USP50: variants seen among roughly 807,000 people sequenced by gnomAD.
USP50 encodes the protein ubiquitin carboxyl-terminal hydrolase 50.
Under a neutral mutation model 39.2 loss-of-function variants are expected in USP50, and 37 were observed. The ratio of observed to expected loss-of-function variants is 0.94; its 90% CI spans 0.73 to 1.24. The LOEUF is 1.24. Among genes scored for constraint, USP50 ranks in the 50% most tolerant of loss-of-function variants. The pLI is 0.00. For synonymous variants in USP50, 139 were observed against 144.5 expected, an observed-to-expected ratio of 0.96 and a Z score of 0.27; for missense variants, 374 against 398.2, an observed-to-expected ratio of 0.94 and a Z score of 0.52.
At chr15:50,531,268 T>C (rs2052938384) in intron 5 of USP50, among the ~76,000 whole-genome samples, 1 of 152,172 alleles carries the variant, frequency 6.6e-6, no homozygotes, top group Admixed American at 6.5e-5. Flanking sequence ...TATCTGCTAG[T>C]ATTTGTAGAA....
At chr15:50,503,612 A>C (rs1161354046) in intron 6 of USP50, 1 of 152,220 alleles carries the variant, frequency 6.6e-6, no homozygotes, top group Non-Finnish European at 1.5e-5. Context: ...ACAGAGAATA[A>C]AAGTCATTCC....
intron 6 of USP50, chr15:50,502,278 T>A (rs2052601356): frequency 1.3e-5 from 2 of 152,062 alleles, no homozygotes; most frequent in African/African-American, 4.8e-5. Flanking sequence ...CCCAGCTAAT[T>A]TTTTGTATTT....
At chr15:50,493,201 G>C (rs1019031952), downstream of USP50, 3 of 520,482 alleles carry the variant, frequency 5.8e-6, no homozygotes, top group African/African-American at 5.7e-5. Context: ...GTTCACCCGG[G>C]AGGGGAGCCC....
chr15:50,524,959 C>T (rs1566907295), intron 6 of USP50, among the ~76,000 whole-genome samples: 1 of 152,042 alleles, frequency 6.6e-6, no homozygotes, highest in African/African-American at 2.4e-5. Flanking sequence ...GAAATCAATA[C>T]ATTGAAGGGA....
intron 6 of USP50, among the ~76,000 whole-genome samples, chr15:50,519,820 T>C (rs148206544): frequency 0.014 from 2,151 of 152,276 alleles, 42 homozygotes; most frequent in Non-Finnish European, 0.017. Context: ...GGAACTCTTA[T>C]ATGCTGTTGG....
chr15:50,543,098 T>C (rs1388452347), intron 3 of USP50, among the ~76,000 whole-genome samples: 2 of 152,188 alleles, frequency 1.3e-5, no homozygotes, highest in Non-Finnish European at 2.9e-5. Context: ...ATGTTTGGTA[T>C]GAGGATGAAA....
rs1418485343 is a variant in USP50 at position 50,543,879 on chromosome 15, ATGG to A, written c.249-89_249-87del. On this transcript the variant is annotated intron_variant, in intron 2 of 6. Coordinates refer to ENST00000532404, the MANE Select transcript of USP50 (RefSeq NM_203494.5). ...CCAAGCCTAGGAAATTAGTCTCAAAATGGAAGAACGTGGTGTCTCATGCCTGTA... is the reference window on the plus strand; with the variant it reads ...CCAAGCCTAGGAAATTAGTCTCAAAAAAGAACGTGGTGTCTCATGCCTGTA... 8 of 1,350,906 alleles carry A rather than the reference ATGG, an allele frequency of 5.9e-6. No individual in the cohort carries two copies. In the East Asian group the frequency reaches 2.0e-4, roughly 34 times the overall value. The allele number at this position is 1,350,906 out of a possible 1,614,324, so 83.7% of individuals were successfully genotyped here.
rs2052571716 is a variant in USP50 at position 50,500,827 on chromosome 15, C to A, written c.947G>T (p.Gly316Val). 1 of 1,581,664 alleles carries A rather than the reference C, an allele frequency of 6.3e-7. No homozygotes were observed. Among genetic ancestry groups the A allele is most frequent in the Admixed American group, 1.8e-5 (1 of 54,858 alleles). Residue 316 changes from glycine (G) to valine (V), a missense_variant, in exon 7 of 7, where the codon GGT becomes GTT. Gly to Val is a moderately radical substitution (Grantham distance 109, BLOSUM62 -3). Coordinates refer to ENST00000532404, the MANE Select transcript of USP50 (RefSeq NM_203494.5). ...YNLCAVVNHF[G>V]DLDGGHYTAF... The stretch of plus-strand genomic sequence containing the variant: ...AGTGTAGTGGCCACCATCCAAATCA[C>A]CAAAATGGTTCTATGGGAGAAAGGA...
intron 6 of USP50, among the ~76,000 whole-genome samples, chr15:50,523,140 T>C (rs1373353591): frequency 6.8e-6 from 1 of 147,790 alleles, no homozygotes; most frequent in Admixed American, 7.0e-5. Flanking sequence ...TCCATAAAGT[T>C]GCAGGATACA....
Position 50,546,489 on chromosome 15 carries a change from C to T in USP50, c.37G>A (p.Asp13Asn), listed in dbSNP as rs1222317092. The T allele has an allele frequency of 1.9e-6, 3 of 1,613,546 alleles. No homozygotes were observed. The highest frequency in any genetic ancestry group is 1.7e-5 in the Admixed American group (1 of 59,982). Residue 13 changes from aspartate (D) to asparagine (N), a missense_variant, in exon 1 of 7, where the codon GAT becomes AAT. Asp to Asn is a conservative substitution (Grantham distance 23). Transcript: ENST00000532404. ...AAGGCTCACAGGACGTGGTAGATAT[C>T]GAAGTCATCTGCAGGGAGAGACGGC... ...SQPSLPADDF[D>N]IYHVLAECTD...
At chr15:50,498,784 T>A, downstream of USP50, 2 of 1,562,906 alleles carry the variant, frequency 1.3e-6, no homozygotes, top group Non-Finnish European at 1.7e-6. Flanking sequence ...TAAAAAAAGT[T>A]TTAAGTGGTT....
At chr15:50,537,594 C>T (rs962885776) in intron 5 of USP50, among the ~76,000 whole-genome samples, 1 of 151,656 alleles carries the variant, frequency 6.6e-6, no homozygotes, top group African/African-American at 2.4e-5. Flanking sequence ...CACAGTGGCT[C>T]ATGCCTATAA....
chr15:50,494,630 A>G (rs1595988284), intron 1 of USP50, among the ~76,000 whole-genome samples: 1 of 152,344 alleles, frequency 6.6e-6, no homozygotes, highest in Admixed American at 6.5e-5. Context: ...TATAATATGT[A>G]TATGTTATTG....
chr15:50,539,209 A>G (rs959980984), intron 4 of USP50, among the ~76,000 whole-genome samples: 6 of 150,764 alleles, frequency 4.0e-5, no homozygotes, highest in African/African-American at 1.5e-4. Flanking sequence ...TCCCAGTTCA[A>G]GTGATTCTCC....
chr15:50,497,480 T>C (rs1442659786), downstream of USP50: 4 of 328,322 alleles, frequency 1.2e-5, no homozygotes, highest in Non-Finnish European at 2.2e-5. Flanking sequence ...TTACAAAGCA[T>C]CAAGTGAAAA....
chr15:50,543,988 C>T, intron 2 of USP50, 195 bp from the exon 3 acceptor site: 1 of 584,200 alleles, frequency 1.7e-6, no homozygotes, highest in South Asian at 2.0e-5. Context: ...TGTGATCATA[C>T]CACTACTTCA....
chr15:50,533,477 GA>G lies in USP50; in HGVS notation c.804-3549del, dbSNP rs200192822. ...TCCTAAAAGAAGCCAGAGTGGGGGGGAAAAAAACACACCTATAGAGGAGCAA... is the reference window on the plus strand; with the variant it reads ...TCCTAAAAGAAGCCAGAGTGGGGGGGAAAAAACACACCTATAGAGGAGCAA... On this transcript the variant is annotated intron_variant, in intron 5 of 6. Transcript: ENST00000532404. 4.2e-3 allele frequency among the ~76,000 whole-genome samples: 631 copies of G among 151,796 alleles called. 5 individuals are homozygous for G. Among genetic ancestry groups the G allele is most frequent in the African/African-American group, 0.014 (591 of 41,396 alleles).
At chr15:50,511,388 G>C (rs1225391523) in intron 6 of USP50, 1 of 152,116 alleles carries the variant, frequency 6.6e-6, no homozygotes, top group African/African-American at 2.4e-5. Flanking sequence ...AAATTAACCA[G>C]AGTTACCATA....
At chr15:50,494,187 G>A in intron 1 of USP50, 2 of 1,613,910 alleles carry the variant, frequency 1.2e-6, no homozygotes, top group East Asian at 2.2e-5. Flanking sequence ...TCACCATTGG[G>A]AAGATCAATG....
Sources: allele counts gnomAD v4.1 joint callset (sites outside exome capture counted in the v4.1 genomes callset), GRCh38; gene constraint gnomAD v4.1.1; transcripts MANE v1.5; gene names NCBI Gene and HGNC (gene_info 2026-07-23, HGNC 2026-07-21).